RBM17: variants seen among roughly 807,000 people sequenced by gnomAD.
The protein encoded by RBM17 is RNA binding motif protein 17.
In RBM17, 7 loss-of-function variants were observed where a neutral mutation model predicts 53.2. That is an observed-to-expected ratio of 0.13 (90% CI 0.07 to 0.25). The LOEUF is 0.25. Ranked by LOEUF, RBM17 falls within the 10% of genes least tolerant of loss-of-function variation. RBM17 has a pLI of 1.00. For synonymous variants in RBM17, 167 were observed against 178.1 expected, an observed-to-expected ratio of 0.94 and a Z score of 0.50; for missense variants, 257 against 496.7, an observed-to-expected ratio of 0.52 and a Z score of 4.59.
At chr10:6,095,537 A>G (rs1030511864) in intron 1 of RBM17, among the ~76,000 whole-genome samples, 2 of 152,086 alleles carry the variant, frequency 1.3e-5, no homozygotes, top group East Asian at 1.9e-4. Flanking sequence ...TATGTGATTC[A>G]TTTGAGCAGT....
rs76072240 is a variant in RBM17, at chr10:6,092,092, G to C, written c.-19+2899G>C. ...AAAAATGTAGCATATATGAAACGTG[G>C]GTTGCTCAAAGGGAAGTGTTGCCAC... On this transcript the variant is annotated intron_variant, in intron 1 of 11. Coordinates refer to ENST00000379888, the MANE Select transcript of RBM17 (RefSeq NM_032905.5). 1.2e-4 allele frequency among the ~76,000 whole-genome samples: 19 copies of C among 152,268 alleles called. No homozygotes were observed. In the East Asian group the frequency reaches 3.7e-3, roughly 29 times the overall value.
chr10:6,098,569 T>G (rs867210377), intron 2 of RBM17, among the ~76,000 whole-genome samples: 21 of 85,580 alleles, frequency 2.5e-4, no homozygotes, highest in African/African-American at 1.1e-3. Context: ...TTTTGTTTTT[T>G]TTTTTTTTTT....
rs117795532 is a variant in RBM17, at chr10:6,096,461, T to G, written c.-18-587T>G. The stretch of plus-strand genomic sequence containing the variant: ...ACATGCAGATTGTTGATTGTCTCTT[T>G]GTAATCACTATCATTAAAGATGACA... On this transcript the variant is annotated intron_variant, in intron 1 of 11. Transcript: ENST00000379888. Among the ~76,000 whole-genome samples, 24 of 152,360 alleles carry G rather than the reference T, an allele frequency of 1.6e-4. No homozygotes were observed. The East Asian group carries it at 4.4e-3, about 28-fold the overall frequency.
chr10:6,096,432 G>A (rs950701360), intron 1 of RBM17, among the ~76,000 whole-genome samples: 8 of 152,110 alleles, frequency 5.3e-5, no homozygotes, highest in South Asian at 2.1e-4. Context: ...TGTGTTGCTC[G>A]TTCACATGCA....
At chr10:6,115,073 C>T (rs944888736) in intron 10 of RBM17, 166 bp from the exon 11 acceptor site, 25 of 623,648 alleles carry the variant, frequency 4.0e-5, no homozygotes, top group Non-Finnish European at 6.9e-5. Context: ...GCATTCAGTA[C>T]GTTTTTGATG....
rs1368005328 is a variant in RBM17, at chr10:6,116,325, T to A, written c.*769T>A. On this transcript the variant is annotated 3_prime_UTR_variant, in exon 12 of 12. Transcript: ENST00000379888. The stretch of plus-strand genomic sequence containing the variant: ...TGCATTGTAAATGTGTGCCCAGTTA[T>A]GTTTTGGAAATGGCAGTTCCTTGGG... 1 of 152,390 alleles carries A rather than the reference T, an allele frequency of 6.6e-6. No homozygotes were observed. Among genetic ancestry groups the A allele is most frequent in the African/African-American group, 2.4e-5 (1 of 41,458 alleles). 9.4% of individuals were successfully genotyped at this position (152,390 alleles called of 1,614,324 possible).
At chr10:6,113,229 G>A in intron 8 of RBM17, 1 of 299,910 alleles carries the variant, frequency 3.3e-6, no homozygotes, top group Admixed American at 4.8e-5. Flanking sequence ...TGCCCTGTCA[G>A]CCCTTTGGGA....
chr10:6,097,080 T>C lies in RBM17; in HGVS notation c.15T>C (p.Asp5=), dbSNP rs1161912788. 1 of 1,613,594 alleles carries C rather than the reference T, an allele frequency of 6.2e-7. No homozygotes were observed. The highest frequency in any genetic ancestry group is 1.3e-5 in the African/African-American group (1 of 75,030). The change falls in exon 2 of 12, where the codon GAT becomes GAC. Residue 5 remains aspartate, a synonymous_variant. Coordinates refer to ENST00000379888, the MANE Select transcript of RBM17 (RefSeq NM_032905.5). The part of the protein sequence containing the change: MSLY[D]DLGVETSDSK... ...CTGAAGAAAAGATGTCCCTGTACGA[T>C]GACCTAGGAGTGGAGACCAGTGACT...
At chr10:6,091,008 A>AGTATTTAT (rs1840473268) in intron 1 of RBM17, among the ~76,000 whole-genome samples, 1 of 72,438 alleles carries the variant, frequency 1.4e-5, no homozygotes, top group Non-Finnish European at 3.3e-5. Context: ...TAAATATATA[A>AGTATTTAT]ATATTTATAT....
chr10:6,097,283 TTG>T lies in RBM17; in HGVS notation c.123+97_123+98del, dbSNP rs1840590500. 2.4e-6 allele frequency: 3 copies of T among 1,259,370 alleles called. No homozygotes were observed. In the African/African-American group the frequency reaches 4.5e-5, roughly 19 times the overall value. 78.0% of individuals were successfully genotyped at this position (1,259,370 alleles called of 1,614,324 possible). A position where few individuals can be genotyped will look rare whatever the true frequency, so the allele number is the denominator to read the frequency against. Reference sequence around the variant, plus strand: ...TTGGTTTCAGCTTGCTCTTCTGCCTTTGTATTGGGTAAATGGTGTTAAGCATT... The same window carrying T: ...TTGGTTTCAGCTTGCTCTTCTGCCTTTATTGGGTAAATGGTGTTAAGCATT... On this transcript the variant is annotated intron_variant, in intron 2 of 11. Coordinates refer to ENST00000379888, the MANE Select transcript of RBM17 (RefSeq NM_032905.5).
In RBM17 at chr10:6,112,158, C is replaced by G. The variant is rs953154450; in HGVS notation, c.705-52C>G. On this transcript the variant is annotated intron_variant, in intron 7 of 11. Transcript: ENST00000379888. The surrounding 1 kb of genome is among the most constrained non-coding windows in gnomAD (Gnocchi z 4.4). The stretch of plus-strand genomic sequence containing the variant: ...GTTGTGATGGAAAAATGCAACCTAT[C>G]TCCAGTTGACGATGTCAAGGCTAAG... The G allele has an allele frequency of 6.3e-7, 1 of 1,584,708 alleles. No homozygotes were observed. Among genetic ancestry groups the G allele is most frequent in the Non-Finnish European group, 8.6e-7 (1 of 1,168,238 alleles).
At chr10:6,098,742 G>T (rs1840623145) in intron 2 of RBM17, among the ~76,000 whole-genome samples, 1 of 151,970 alleles carries the variant, frequency 6.6e-6, no homozygotes, top group Non-Finnish European at 1.5e-5. Flanking sequence ...CGCCTGCGGT[G>T]TTTCACCTTG....
intron 6 of RBM17, 22 bp from the exon 7 acceptor site, chr10:6,109,964 C>G: frequency 6.3e-7 from 1 of 1,584,812 alleles, no homozygotes; most frequent in Non-Finnish European, 8.6e-7. Context: ...TTTGGTGAGC[C>G]TACTTTATTT....
rs1202690270 is a variant in RBM17 at position 6,101,273 on chromosome 10, C to T, written c.126C>T (p.Ser42=). ...TTCCTTGTTTTTGATGATTTTAGAG[C>T]CAAAGGACGAAACAAAGTACAGTCC... ...VKKAALTQAK[S]QRTKQSTVLA... is the part of the protein sequence containing the mutation. The change falls in exon 3 of 12, where the codon AGC becomes AGT. Residue 42 remains serine (S), a splice_region_variant and synonymous_variant. Transcript: ENST00000379888. The T allele has an allele frequency of 6.3e-7, 1 of 1,586,704 alleles. No individual in the cohort carries two copies. Among genetic ancestry groups the T allele is most frequent in the South Asian group, 1.2e-5 (1 of 86,552 alleles).
rs144274390 is a variant in RBM17, at chr10:6,109,577, A to G, written c.563-409A>G. On this transcript the variant is annotated intron_variant, in intron 6 of 11. Transcript: ENST00000379888. ...CTAACCTCGGACACCTTTGTGGGCC[A>G]TGAGCTGATGAGATAGTGAGGTCGG... Among the ~76,000 whole-genome samples, 499 of 152,322 alleles carry G rather than the reference A, an allele frequency of 3.3e-3. 6 individuals are homozygous for G. Among genetic ancestry groups the G allele is most frequent in the African/African-American group, 0.012 (481 of 41,582 alleles).
At position 6,112,585 on chromosome 10, in the gene RBM17, T is replaced by C; in HGVS notation, c.856+224T>C. 1.8e-6 allele frequency: 1 copy of C among 565,050 alleles called. No homozygotes were observed. Among genetic ancestry groups the C allele is most frequent in the Non-Finnish European group, 3.2e-6 (1 of 313,292 alleles). 35.0% of individuals were successfully genotyped at this position (565,050 alleles called of 1,614,324 possible). On this transcript the variant is annotated intron_variant, in intron 8 of 11. Transcript: ENST00000379888. This position sits in a 1 kb window ranked among gnomAD's most constrained non-coding sequence, Gnocchi z 4.4. ...GAATCCTGAGGCTCATCTTTATTTT[T>C]TCAGAACAGACGTAGAGAGATGAAG...
chr10:6,107,479 C>CTTTTTTTTTTTTTTTTTT (rs71390124), intron 5 of RBM17, among the ~76,000 whole-genome samples: 16 of 56,596 alleles, frequency 2.8e-4, no homozygotes, highest in African/African-American at 6.0e-4. Context: ...CACCCGGCCT[C>CTTTTTTTTTTTTTTTTTT]TTTTTTTTTT....
intron 5 of RBM17, among the ~76,000 whole-genome samples, chr10:6,107,490 T>TTTTC (rs1226454007): frequency 1.5e-5 from 2 of 135,216 alleles, no homozygotes; most frequent in Non-Finnish European, 3.2e-5. Context: ...TTTTTTTTTT[T>TTTTC]TTTTTTTTTT....
chr10:6,108,905 C>T lies in RBM17; in HGVS notation c.562+163C>T, dbSNP rs573441268. 9.3e-5 allele frequency among the ~76,000 whole-genome samples: 14 copies of T among 151,324 alleles called. No individual in the cohort carries two copies. The South Asian group carries it at 2.9e-3, about 32-fold the overall frequency. On this transcript the variant is annotated intron_variant, in intron 6 of 11. Transcript: ENST00000379888. ...GCCGCACCTGGATCTCAGAATGCAG[C>T]GCCCTCCTGCAGAGAGAGACCTTTC...
Sources: allele counts gnomAD v4.1 joint callset (sites outside exome capture counted in the v4.1 genomes callset), GRCh38; gene constraint gnomAD v4.1.1; non-coding constraint Gnocchi (gnomAD v3.1); transcripts MANE v1.5; gene names NCBI Gene and HGNC (gene_info 2026-07-23, HGNC 2026-07-21).